Variants in GOLM1 observed in about 807,000 individuals in gnomAD.
GOLM1 encodes the protein golgi membrane protein 1, also known as epididymis luminal protein 46.
Under a neutral mutation model 50.5 loss-of-function variants are expected in GOLM1, and 31 were observed. The ratio of observed to expected loss-of-function variants is 0.61; its 90% CI spans 0.46 to 0.83. The LOEUF is 0.83. Ranked by LOEUF, GOLM1 falls within the 40% of genes least tolerant of loss-of-function variation. The pLI, the probability that GOLM1 is intolerant of heterozygous loss-of-function variation, is 0.00. For missense variants in GOLM1, 491 were observed against 501.3 expected (o/e 0.98, Z 0.20); for synonymous variants, 178 against 192.8 (o/e 0.92, Z 0.64).
chr9:86,048,715 T>C (rs1833639168), intron 4 of GOLM1, among the ~76,000 whole-genome samples: 1 of 152,202 alleles, frequency 6.6e-6, no homozygotes, highest in Non-Finnish European at 1.5e-5. Flanking sequence ...CACTTTTTGA[T>C]GGGGTTGTTT....
At chr9:86,070,082 A>C (rs1016972380) in intron 3 of GOLM1, among the ~76,000 whole-genome samples, 4 of 151,716 alleles carry the variant, frequency 2.6e-5, no homozygotes, top group African/African-American at 9.7e-5. Context: ...ACAGGGTTTC[A>C]CCATGTTGGC....
In GOLM1 at chr9:86,052,806, C is replaced by T. The variant is rs1034647303; in HGVS notation, c.310-215G>A. Among the ~76,000 whole-genome samples, 2 of 109,888 alleles carry T rather than the reference C, an allele frequency of 1.8e-5. No homozygotes were observed. Among genetic ancestry groups the T allele is most frequent in the Non-Finnish European group, 4.0e-5 (2 of 49,662 alleles). The allele number at this position is 109,888 out of a possible 152,430, so 72.1% of individuals were successfully genotyped here. A position where few individuals can be genotyped will look rare whatever the true frequency, so the allele number is the denominator to read the frequency against. On this transcript the variant is annotated intron_variant, in intron 3 of 9. Coordinates refer to ENST00000388712, the MANE Select transcript of GOLM1 (RefSeq NM_016548.4). ...CGCTCCCCACCACCGCCTCTGGACC[C>T]GAGCAAAAGCCAACGGGTCCAGACC...
At chr9:86,091,229 G>A (rs1835175738) in intron 1 of GOLM1, among the ~76,000 whole-genome samples, 1 of 152,138 alleles carries the variant, frequency 6.6e-6, no homozygotes, top group African/African-American at 2.4e-5. Context: ...CTCTGTTGTT[G>A]TTTTAAATAA....
At chr9:86,086,803 T>C (rs1834986645) in intron 1 of GOLM1, among the ~76,000 whole-genome samples, 2 of 152,210 alleles carry the variant, frequency 1.3e-5, no homozygotes, top group African/African-American at 2.4e-5. Flanking sequence ...TTCTGTTCCA[T>C]TGGTCTATGT....
chr9:86,054,874 A>G (rs12553480), intron 3 of GOLM1, among the ~76,000 whole-genome samples: 67,069 of 152,114 alleles, frequency 0.44, 17,083 homozygotes, highest in Middle Eastern at 0.64. Flanking sequence ...CTGGGCCACA[A>G]TGCAAACATT....
At chr9:86,036,815 C>A in intron 6 of GOLM1, 1 of 364,618 alleles carries the variant, frequency 2.7e-6, no homozygotes. Flanking sequence ...ACAAAAAAGA[C>A]ATGAACGACA....
chr9:86,054,553 G>A (rs185410040), intron 3 of GOLM1, among the ~76,000 whole-genome samples: 2 of 152,264 alleles, frequency 1.3e-5, no homozygotes, highest in Admixed American at 1.3e-4. Flanking sequence ...GTTATGTGAG[G>A]TAGTAGTGTA....
chr9:86,079,145 C>G, intron 2 of GOLM1, 47 bp downstream of exon 2: 1 of 1,460,574 alleles, frequency 6.8e-7, no homozygotes, highest in Non-Finnish European at 9.1e-7. Flanking sequence ...ACAAAATAAA[C>G]AAAACATAAA....
intron 3 of GOLM1, among the ~76,000 whole-genome samples, chr9:86,059,719 A>AC (rs200779937): frequency 0.021 from 3,222 of 151,562 alleles, 115 homozygotes; most frequent in African/African-American, 0.074. Context: ...ACATACTGAA[A>AC]CCCCGTCTCT....
chr9:86,043,483 C>A (rs1587703605), intron 5 of GOLM1, among the ~76,000 whole-genome samples: 1 of 152,334 alleles, frequency 6.6e-6, no homozygotes, highest in South Asian at 2.1e-4. Context: ...ACAAATTGCA[C>A]ACTTTAGGCA....
chr9:86,076,413 C>A (rs149300774), intron 3 of GOLM1, among the ~76,000 whole-genome samples: 973 of 88,776 alleles, frequency 0.011, 5 homozygotes, highest in Admixed American at 0.032. Flanking sequence ...AAGAGGGAAA[C>A]CCCATCTCAA....
In GOLM1 at chr9:86,087,401, T is replaced by C. The variant is rs146716496; in HGVS notation, c.-21-8060A>G. Among the ~76,000 whole-genome samples the C allele has an allele frequency of 7.0e-3, 1,070 of 152,328 alleles. 9 individuals are homozygous for C. The highest frequency in any genetic ancestry group is 0.022 in the African/African-American group (928 of 41,572). ...TCATGTTGTCTGCAAACAGGGATCA[T>C]ATGACTTCCTCTCTTCCTATTTGAA... is the stretch of plus-strand genomic sequence containing the variant. On this transcript the variant is annotated intron_variant, in intron 1 of 9. Coordinates refer to ENST00000388712, the MANE Select transcript of GOLM1 (RefSeq NM_016548.4).
chr9:86,080,946 G>A (rs748854734), intron 1 of GOLM1, among the ~76,000 whole-genome samples: 3 of 152,038 alleles, frequency 2.0e-5, no homozygotes, highest in East Asian at 1.9e-4. Context: ...AGTCAGTCAC[G>A]CAATTGTGGC....
intron 9 of GOLM1, 72 bp downstream of exon 9, chr9:86,033,210 G>A (rs1231434730): frequency 1.2e-6 from 1 of 843,822 alleles, no homozygotes; most frequent in Non-Finnish European, 2.0e-6. Flanking sequence ...GGATTCATTG[G>A]ATAATCACGG....
chr9:86,086,592 C>T (rs1156753187), intron 1 of GOLM1, among the ~76,000 whole-genome samples: 1 of 151,678 alleles, frequency 6.6e-6, no homozygotes, highest in Non-Finnish European at 1.5e-5. Flanking sequence ...TTAGGTCTTA[C>T]GTTTAAGTCT....
intron 9 of GOLM1, among the ~76,000 whole-genome samples, chr9:86,030,323 G>A (rs907858503): frequency 2.0e-5 from 3 of 150,392 alleles, no homozygotes; most frequent in Admixed American, 6.6e-5. Flanking sequence ...CAGAGAGTTT[G>A]TATTTGCTTC....
intron 1 of GOLM1, among the ~76,000 whole-genome samples, chr9:86,093,409 A>T (rs1835247711): frequency 6.6e-6 from 1 of 151,766 alleles, no homozygotes; most frequent in Non-Finnish European, 1.5e-5. Flanking sequence ...CAACAACAAA[A>T]AAACCCCAAA....
chr9:86,034,912 T>C, intron 8 of GOLM1: 1 of 683,264 alleles, frequency 1.5e-6, no homozygotes, highest in East Asian at 1.3e-4. Context: ...GTGATTCACA[T>C]GTCATTTTTT....
At chr9:86,091,504 T>C (rs1041264820) in intron 1 of GOLM1, among the ~76,000 whole-genome samples, 12 of 152,126 alleles carry the variant, frequency 7.9e-5, no homozygotes, top group African/African-American at 2.2e-4. Context: ...CTCTACTGAA[T>C]AATCTATTTT....
Sources: allele counts gnomAD v4.1 joint callset (sites outside exome capture counted in the v4.1 genomes callset), GRCh38; gene constraint gnomAD v4.1.1; transcripts MANE v1.5; gene names NCBI Gene and HGNC (gene_info 2026-07-23, HGNC 2026-07-21).